Variants in ESCO1 observed in about 807,000 individuals in gnomAD.
ESCO1 encodes N-acetyltransferase ESCO1.
ESCO1 carries 33 observed loss-of-function variants against 83.5 expected under a neutral mutation model. The observed-to-expected ratio is 0.40, with a 90% CI of 0.30 to 0.53. The LOEUF (loss-of-function observed/expected upper bound fraction) is 0.53, where lower values mean the gene tolerates loss of function less well. ESCO1 is among the 20% of genes least tolerant of loss of function. The probability of loss-of-function intolerance (pLI) is 0.63; values close to 1 mark genes in which losing one functional copy is unlikely to be tolerated. For synonymous variants in ESCO1, 332 were observed against 324.3 expected, an observed-to-expected ratio of 1.02 and a Z score of -0.25; for missense variants, 855 against 968.0, an observed-to-expected ratio of 0.88 and a Z score of 1.55.
intron 2 of ESCO1, among the ~76,000 whole-genome samples, chr18:21,579,340 C>T (rs2038461296): frequency 6.6e-6 from 1 of 152,010 alleles, no homozygotes; most frequent in Non-Finnish European, 1.5e-5. Flanking sequence ...CGCCTGTAGA[C>T]AGGCCCAGCT....
intron 1 of ESCO1, among the ~76,000 whole-genome samples, chr18:21,592,792 G>C (rs2038698404): frequency 6.6e-6 from 1 of 151,542 alleles, no homozygotes; most frequent in South Asian, 2.1e-4. Flanking sequence ...TCACTTCTCA[G>C]ACGGGGCGGC....
chr18:21,558,002 C>A (rs1211196615), intron 8 of ESCO1, among the ~76,000 whole-genome samples: 3 of 141,632 alleles, frequency 2.1e-5, no homozygotes, highest in Non-Finnish European at 3.0e-5. Context: ...TTTTTTGAAA[C>A]AGGGTCCTGC....
At chr18:21,536,280 G>T in intron 9 of ESCO1, 95 bp from the exon 10 acceptor site, 1 of 1,356,140 alleles carries the variant, frequency 7.4e-7, no homozygotes, top group Non-Finnish European at 9.9e-7. Context: ...TTTATTCCAA[G>T]CAGGGCATCC....
intron 1 of ESCO1, among the ~76,000 whole-genome samples, chr18:21,599,206 G>C (rs1347755578): frequency 6.6e-6 from 1 of 152,140 alleles, no homozygotes; most frequent in Non-Finnish European, 1.5e-5. Flanking sequence ...ACATGGTAGC[G>C]GACGCCTGTA....
Position 21,566,128 on chromosome 18 carries a change from AT to A in ESCO1, c.1706+17del, listed in dbSNP as rs1392255909. ...TAAGTTAAAATCCTTAAGCTCTAAA[AT>A]TTAATTAATAGCTTACCTGTTATCA... is the stretch of plus-strand genomic sequence containing the variant. On this transcript the variant is annotated intron_variant, in intron 6 of 11. Transcript: ENST00000269214. 13 of 1,606,086 alleles carry A rather than the reference AT, an allele frequency of 8.1e-6. No individual in the cohort carries two copies. In the Middle Eastern group the frequency reaches 6.6e-4, roughly 82 times the overall value.
chr18:21,560,885 G>T lies in ESCO1; in HGVS notation c.1927C>A (p.Gln643Lys). The change falls in exon 8 of 12, where the codon CAG becomes AAG. Residue 643 changes from glutamine (Q) to lysine (K), a missense_variant. By Grantham distance (53) the Gln-to-Lys change is moderately conservative. Coordinates refer to ENST00000269214, the MANE Select transcript of ESCO1 (RefSeq NM_052911.3). ...DETQHLLFHN[Q>K]FISAVKYVGW... Reference sequence around the variant, plus strand: ...ACATATTTAACAGCACTTATAAACTGGTTGTGGAAAAGCAGATGCTGTGTT... The same window carrying T: ...ACATATTTAACAGCACTTATAAACTTGTTGTGGAAAAGCAGATGCTGTGTT... 6.2e-7 allele frequency: 1 copy of T among 1,602,382 alleles called. No individual in the cohort carries two copies. Among genetic ancestry groups the T allele is most frequent in the Non-Finnish European group, 8.5e-7 (1 of 1,176,236 alleles).
intron 8 of ESCO1, among the ~76,000 whole-genome samples, chr18:21,555,497 GTGTGGAAT>G (rs1235903117): frequency 6.6e-6 from 1 of 152,162 alleles, no homozygotes; most frequent in Non-Finnish European, 1.5e-5. Context: ...GGCTATACAC[GTGTGGAAT>G]TAAGGAGTAT....
At chr18:21,588,577 T>C (rs1041472481) in intron 1 of ESCO1, among the ~76,000 whole-genome samples, 3 of 152,134 alleles carry the variant, frequency 2.0e-5, no homozygotes, top group African/African-American at 7.2e-5. Context: ...GCACAGATTA[T>C]ACAATATGTA....
chr18:21,531,329 AG>A (rs1333146496), intron 11 of ESCO1, among the ~76,000 whole-genome samples: 3 of 152,108 alleles, frequency 2.0e-5, no homozygotes, highest in African/African-American at 7.2e-5. Context: ...TCAGCTACTC[AG>A]GAGGCTGAGG....
rs1568091224 is a variant in ESCO1 at position 21,536,188 on chromosome 18, GC to G, written c.2044-4del. The stretch of plus-strand genomic sequence containing the variant: ...ACCATCTCTCTAATCTCGTCAACCT[GC>G]CAAATAAAGAACAGTAATTATTTTT... On this transcript the variant is annotated splice_polypyrimidine_tract_variant and splice_region_variant and intron_variant, in intron 9 of 11. Coordinates refer to ENST00000269214, the MANE Select transcript of ESCO1 (RefSeq NM_052911.3). The G allele has an allele frequency of 6.2e-7, 1 of 1,606,428 alleles. No individual in the cohort carries two copies. Among genetic ancestry groups the G allele is most frequent in the South Asian group, 1.1e-5 (1 of 88,872 alleles).
At chr18:21,572,040 G>C (rs1249814006) in intron 4 of ESCO1, among the ~76,000 whole-genome samples, 1 of 152,122 alleles carries the variant, frequency 6.6e-6, no homozygotes, top group Non-Finnish European at 1.5e-5. Context: ...TCTCAAAAGA[G>C]AACTTTAAAT....
Position 21,552,448 on chromosome 18 carries a change from C to T in ESCO1, c.1953+8411G>A, listed in dbSNP as rs1452914655. 3.9e-5 allele frequency among the ~76,000 whole-genome samples: 6 copies of T among 152,122 alleles called. 1 individual carries two copies. The East Asian group carries it at 7.7e-4, about 20-fold the overall frequency. On this transcript the variant is annotated intron_variant, in intron 8 of 11. Transcript: ENST00000269214. The stretch of plus-strand genomic sequence containing the variant: ...TATAAGGGGGTTTTCCCCGTTTGCT[C>T]GGCACTTCTCTCTCCTGACACCATG...
chr18:21,588,942 T>G (rs569766838), intron 1 of ESCO1, among the ~76,000 whole-genome samples: 3 of 151,498 alleles, frequency 2.0e-5, no homozygotes, highest in African/African-American at 7.3e-5. Context: ...TTTAGAAATG[T>G]TAATAATAGA....
At chr18:21,588,174 C>A (rs1209668566) in intron 1 of ESCO1, among the ~76,000 whole-genome samples, 1 of 150,424 alleles carries the variant, frequency 6.6e-6, no homozygotes, top group Admixed American at 6.6e-5. Context: ...ACTATAAAAC[C>A]ACGTTAATGT....
At chr18:21,532,810 T>G (rs924491485) in intron 10 of ESCO1, 150 bp from the exon 11 acceptor site, 5 of 680,340 alleles carry the variant, frequency 7.3e-6, no homozygotes, top group Non-Finnish European at 9.5e-6. Flanking sequence ...AAACAGACAA[T>G]CTGGATCTGC....
At chr18:21,540,592 T>A in intron 8 of ESCO1, 1 of 1,326,556 alleles carries the variant, frequency 7.5e-7, no homozygotes, top group Non-Finnish European at 9.9e-7. Flanking sequence ...AAGAATCTAA[T>A]AGGGAAGGAG....
At chr18:21,590,254 C>G (rs2146231537) in intron 1 of ESCO1, among the ~76,000 whole-genome samples, 1 of 151,186 alleles carries the variant, frequency 6.6e-6, no homozygotes, top group African/African-American at 2.4e-5. Context: ...CTGCCTCTCA[C>G]TCTGTCGCCC....
At chr18:21,565,455 C>T (rs1023066995) in intron 6 of ESCO1, among the ~76,000 whole-genome samples, 1 of 152,208 alleles carries the variant, frequency 6.6e-6, no homozygotes, top group Non-Finnish European at 1.5e-5. Flanking sequence ...GGAGGAAAGT[C>T]TGACAATGCG....
chr18:21,535,292 A>T (rs1221819009), intron 10 of ESCO1, among the ~76,000 whole-genome samples: 1 of 148,990 alleles, frequency 6.7e-6, no homozygotes. Flanking sequence ...TTGGCTCACT[A>T]CAACCTCTGC....
Sources: gnomAD v4.1 joint callset for allele counts (sites outside exome capture counted in the v4.1 genomes callset) on GRCh38, gnomAD v4.1.1 for gene constraint, MANE v1.5 for transcripts, NCBI Gene and HGNC (gene_info 2026-07-23, HGNC 2026-07-21) for gene names.